The following ECH1 variants were observed in gnomAD, a reference collection of about 807,000 sequenced individuals.
ECH1 encodes the protein delta(3,5)-Delta(2,4)-dienoyl-CoA isomerase, mitochondrial.
In ECH1, 30 loss-of-function variants were observed where a neutral mutation model predicts 37.0. The ratio of observed to expected loss-of-function variants is 0.81; its 90% CI spans 0.61 to 1.10. The LOEUF is 1.10. Ranked by LOEUF, ECH1 falls within the 50% of genes least tolerant of loss-of-function variation. The probability of loss-of-function intolerance (pLI) is 0.00; values close to 1 mark genes in which losing one functional copy is unlikely to be tolerated. For missense variants in ECH1, 456 were observed against 441.6 expected, an observed-to-expected ratio of 1.03 and a Z score of -0.29; for synonymous variants, 178 against 176.0, an observed-to-expected ratio of 1.01 and a Z score of -0.09.
chr19:38,827,067 A>C (rs1971749696), intron 3 of ECH1, among the ~76,000 whole-genome samples: 1 of 119,996 alleles, frequency 8.3e-6, no homozygotes, highest in African/African-American at 3.2e-5. Context: ...AAGGAGGGGA[A>C]GGAGGAAGGG....
rs139491123 is a variant in ECH1, at chr19:38,815,953, G to A, written c.786C>T (p.Ala262=). 8.1e-6 allele frequency: 13 copies of A among 1,614,118 alleles called. No individual in the cohort carries two copies. Among genetic ancestry groups the A allele is most frequent in the Non-Finnish European group, 1.1e-5 (13 of 1,180,028 alleles). The change falls in exon 9 of 10, where the codon GCC becomes GCT. Residue 262 remains alanine, a synonymous_variant. Transcript: ENST00000221418. ...CCACGGGGCTCTTGCTGGAAATCTC[G>A]GCCGCCAGCGCTAAGGCAGCATCCA... ...VMLDAALALA[A]EISSKSPVAV... is the part of the protein sequence containing the mutation.
rs1187660104 is a variant in ECH1, at chr19:38,815,994, C to T, written c.745G>A (p.Asp249Asn). ...GCAGCATCCAGCATGACCTCTTTGT[C>T]TGGGAACACCCGGCTGCAGTGAAAG... ...GSGLVSRVFP[D>N]KEVMLDAALA... Residue 249 changes from aspartate to asparagine, a missense_variant, in exon 9 of 10, where the codon GAC becomes AAC. Transcript: ENST00000221418. 6.2e-7 allele frequency: 1 copy of T among 1,613,368 alleles called. No homozygotes were observed. The highest frequency in any genetic ancestry group is 1.7e-5 in the Admixed American group (1 of 60,016).
At chr19:38,816,983 TG>T in intron 6 of ECH1, 81 bp downstream of exon 6, 1 of 1,460,016 alleles carries the variant, frequency 6.8e-7, no homozygotes, top group Non-Finnish European at 9.4e-7. Flanking sequence ...GACTCTTCCA[TG>T]AAGCCCTCGA....
chr19:38,827,088 G>C (rs1971750192), intron 3 of ECH1, among the ~76,000 whole-genome samples: 1 of 141,656 alleles, frequency 7.1e-6, no homozygotes, highest in African/African-American at 2.6e-5. Context: ...AGGAGAGGGA[G>C]GGAGGGGAAG....
At chr19:38,816,203 G>T in intron 8 of ECH1, 81 bp downstream of exon 8, 1 of 1,554,924 alleles carries the variant, frequency 6.4e-7, no homozygotes, top group Non-Finnish European at 8.7e-7. Context: ...CTAGAGCGAG[G>T]AGACAAGGGG....
intron 3 of ECH1, among the ~76,000 whole-genome samples, chr19:38,818,694 G>T (rs1169718971): frequency 6.6e-6 from 1 of 151,962 alleles, no homozygotes; most frequent in African/African-American, 2.4e-5. Context: ...TGCCATGTTG[G>T]CCAGGCTAGT....
intron 3 of ECH1, 140 bp downstream of exon 3, chr19:38,830,938 G>A (rs535821782): frequency 1.7e-4 from 123 of 730,496 alleles, no homozygotes; most frequent in Non-Finnish European, 2.5e-4. Flanking sequence ...CGTGGCAACA[G>A]AGCAAGACCC....
intron 9 of ECH1, 22 bp from the exon 10 acceptor site, chr19:38,815,739 G>C (rs1971563263): frequency 6.2e-7 from 1 of 1,614,116 alleles, no homozygotes; most frequent in Non-Finnish European, 8.5e-7. Context: ...GGTGTTGAGA[G>C]AGAACGAGGA....
At chr19:38,825,640 C>A (rs776733108) in intron 3 of ECH1, among the ~76,000 whole-genome samples, 2 of 152,140 alleles carry the variant, frequency 1.3e-5, no homozygotes, top group Non-Finnish European at 2.9e-5. Context: ...GGAGAAAGGC[C>A]GCAGCCTTAG....
At position 38,831,347 on chromosome 19, in the gene ECH1, C is replaced by T. The variant is rs760150877; in HGVS notation, c.222G>A (p.Arg74=). The change falls in exon 2 of 10, where the codon CGG becomes CGA. Residue 74 remains arginine, a synonymous_variant. Transcript: ENST00000221418. ...QKHVLHVQLN[R]PNKRNAMNKV... is the part of the protein sequence containing the mutation. ...TGTTCATGGCATTCCTCTTGTTGGG[C>T]CGGTTGAGCTGGACATGCAGAACAT... The T allele has an allele frequency of 2.3e-5, 37 of 1,613,112 alleles. No homozygotes were observed. The South Asian group carries it at 2.7e-4, about 12-fold the overall frequency.
intron 8 of ECH1, 96 bp from the exon 9 acceptor site, chr19:38,816,103 C>T: frequency 3.9e-6 from 6 of 1,550,100 alleles, no homozygotes; most frequent in Non-Finnish European, 5.2e-6. Flanking sequence ...GAGGAAGGCC[C>T]AAGACCCCAG....
At chr19:38,826,581 C>T (rs914898047) in intron 3 of ECH1, among the ~76,000 whole-genome samples, 1 of 152,194 alleles carries the variant, frequency 6.6e-6, no homozygotes, top group African/African-American at 2.4e-5. Context: ...TAACCAACAC[C>T]TATACCCTGC....
rs1266428436 is a variant in ECH1, at chr19:38,815,529, C to T, written c.*84G>A. ...GAAACTGGGTCAGAAGGCATAGAAA[C>T]AACTGTCATCGCCCATCCTCCCTTT... On this transcript the variant is annotated 3_prime_UTR_variant, in exon 10 of 10. Coordinates refer to ENST00000221418, the MANE Select transcript of ECH1 (RefSeq NM_001398.3). 1.5e-6 allele frequency: 2 copies of T among 1,349,624 alleles called. No individual in the cohort carries two copies. The highest frequency in any genetic ancestry group is 2.3e-5 in the East Asian group (1 of 43,316). 83.6% of individuals were successfully genotyped at this position (1,349,624 alleles called of 1,614,324 possible).
chr19:38,826,541 A>G (rs1162930549), intron 3 of ECH1, among the ~76,000 whole-genome samples: 2 of 152,246 alleles, frequency 1.3e-5, no homozygotes, highest in Non-Finnish European at 2.9e-5. Context: ...AGACTCATCA[A>G]TGAGGCAGTA....
intron 3 of ECH1, among the ~76,000 whole-genome samples, chr19:38,823,380 A>G (rs1322205240): frequency 6.6e-6 from 1 of 152,168 alleles, no homozygotes; most frequent in African/African-American, 2.4e-5. Context: ...CGGTGAGACT[A>G]TCACCTATCG....
At chr19:38,816,057 T>C (rs1971570854) in intron 8 of ECH1, 50 bp from the exon 9 acceptor site, 1 of 1,605,340 alleles carries the variant, frequency 6.2e-7, no homozygotes, top group Non-Finnish European at 8.5e-7. Flanking sequence ...GGCTCTCTCC[T>C]CCAGCCTCCC....
At position 38,824,256 on chromosome 19, in the gene ECH1, C is replaced by T. The variant is rs373561061; in HGVS notation, c.350-6681G>A. ...CTCTAACAGGTTTTCAAGAATGCGT[C>T]GGTAAGGGCCACTAAATCCGACCTT... On this transcript the variant is annotated intron_variant, in intron 3 of 9. Transcript: ENST00000221418. 1.2e-3 allele frequency among the ~76,000 whole-genome samples: 176 copies of T among 152,258 alleles called. 1 individual carries two copies. The highest frequency in any genetic ancestry group is 0.01 in the Middle Eastern group (3 of 294).
At chr19:38,822,637 C>T (rs1354895641) in intron 3 of ECH1, among the ~76,000 whole-genome samples, 1 of 152,200 alleles carries the variant, frequency 6.6e-6, no homozygotes, top group African/African-American at 2.4e-5. Flanking sequence ...AATCAGTGCT[C>T]TGTGTCTAGC....
chr19:38,831,774 G>T lies in ECH1; in HGVS notation c.-2C>A, dbSNP rs117820732. ...AGAAGCCACTATCCCCGCCGCCATC[G>T]CCGCCGCCTTCGTCTACTGCGTTCG... On this transcript the variant is annotated 5_prime_UTR_variant, in exon 1 of 10. Transcript: ENST00000221418. 0.049 allele frequency: 79,521 copies of T among 1,612,934 alleles called. 2,188 individuals are homozygous for T. The highest frequency in any genetic ancestry group is 0.059 in the Middle Eastern group (355 of 6,058).
Sources: gnomAD v4.1 joint callset for allele counts (sites outside exome capture counted in the v4.1 genomes callset) on GRCh38, gnomAD v4.1.1 for gene constraint, MANE v1.5 for transcripts, NCBI Gene and HGNC (gene_info 2026-07-23, HGNC 2026-07-21) for gene names.